Variants in TARBP1 observed in about 807,000 individuals in gnomAD.
TARBP1 encodes tRNA (guanosine(18)-2'-O)-methyltransferase TARBP1.
In TARBP1, 144 loss-of-function variants were observed where a neutral mutation model predicts 178.6. The ratio of observed to expected loss-of-function variants is 0.81; its 90% CI spans 0.70 to 0.93. The LOEUF (loss-of-function observed/expected upper bound fraction) is 0.93, where lower values mean the gene tolerates loss of function less well. TARBP1 is among the 40% of genes least tolerant of loss of function. The pLI, the probability that TARBP1 is intolerant of heterozygous loss-of-function variation, is 0.00. For missense variants in TARBP1, 2,067 were observed against 2,011.7 expected (o/e 1.03, Z -0.53); for synonymous variants, 787 against 781.0 (o/e 1.01, Z -0.13).
At chr1:234,412,051 T>C (rs1661880306) in intron 22 of TARBP1, among the ~76,000 whole-genome samples, 1 of 152,212 alleles carries the variant, frequency 6.6e-6, no homozygotes, top group South Asian at 2.1e-4. Context: ...AAATCCTAAC[T>C]GTAAGCAGTA....
intron 12 of TARBP1, among the ~76,000 whole-genome samples, chr1:234,440,902 G>A (rs952316736): frequency 1.9e-4 from 29 of 152,218 alleles, no homozygotes; most frequent in African/African-American, 6.8e-4. Flanking sequence ...TGCAGAGACA[G>A]GCCAGGCGTG....
intron 22 of TARBP1, among the ~76,000 whole-genome samples, chr1:234,414,219 T>G (rs902961164): frequency 1.3e-5 from 2 of 152,158 alleles, no homozygotes; most frequent in Admixed American, 1.3e-4. Flanking sequence ...TGAAAATGCA[T>G]GGACATGGCT....
At chr1:234,393,077 T>C (rs1378610384) in intron 28 of TARBP1, among the ~76,000 whole-genome samples, 1 of 152,146 alleles carries the variant, frequency 6.6e-6, no homozygotes, top group Non-Finnish European at 1.5e-5. Context: ...TAACAGGATA[T>C]GTTTTACTGA....
At chr1:234,451,485 C>T (rs1666748674) in intron 9 of TARBP1, among the ~76,000 whole-genome samples, 1 of 102,172 alleles carries the variant, frequency 9.8e-6, no homozygotes. Flanking sequence ...CGGTGGCTCA[C>T]GCCTGTAATC....
rs192193090 is a variant in TARBP1 at position 234,425,540 on chromosome 1, A to T, written c.3444+133T>A. On this transcript the variant is annotated intron_variant, in intron 20 of 29. Transcript: ENST00000040877. The stretch of plus-strand genomic sequence containing the variant: ...ACCAGCCCTAATCAAGACTGAATTA[A>T]AAATACAGAACATAAACTTTGTGTT... 1.5e-5 allele frequency: 15 copies of T among 1,014,134 alleles called. No homozygotes were observed. In the East Asian group the frequency reaches 2.1e-4, roughly 14 times the overall value. The allele number at this position is 1,014,134 out of a possible 1,614,324, so 62.8% of individuals were successfully genotyped here. A position where few individuals can be genotyped will look rare whatever the true frequency, so the allele number is the denominator to read the frequency against.
intron 23 of TARBP1, among the ~76,000 whole-genome samples, chr1:234,408,863 T>C (rs1241883859): frequency 1.3e-5 from 2 of 152,176 alleles, no homozygotes; most frequent in Admixed American, 6.5e-5. Context: ...TCTTCCTCTA[T>C]TGCAATTCCT....
intron 12 of TARBP1, among the ~76,000 whole-genome samples, chr1:234,441,918 C>T (rs1032392316): frequency 2.6e-5 from 4 of 152,144 alleles, no homozygotes; most frequent in Admixed American, 1.3e-4. Context: ...GTATAAACCA[C>T]ATATTATCCA....
At chr1:234,477,426 A>T (rs1669666875) in intron 1 of TARBP1, among the ~76,000 whole-genome samples, 1 of 152,234 alleles carries the variant, frequency 6.6e-6, no homozygotes, top group South Asian at 2.1e-4. Flanking sequence ...CCGTTGAAAA[A>T]GTAGAAATAT....
intron 12 of TARBP1, among the ~76,000 whole-genome samples, chr1:234,440,776 C>A (rs1267574921): frequency 6.6e-6 from 1 of 152,172 alleles, no homozygotes; most frequent in East Asian, 1.9e-4. Context: ...TTAAAACTAT[C>A]ATTTACAACA....
intron 12 of TARBP1, among the ~76,000 whole-genome samples, chr1:234,444,196 G>A (rs1365795634): frequency 6.6e-6 from 1 of 150,690 alleles, no homozygotes; most frequent in Non-Finnish European, 1.5e-5. Flanking sequence ...ATAGACAAGA[G>A]ATTACTCCCA....
intron 22 of TARBP1, among the ~76,000 whole-genome samples, chr1:234,411,259 T>C (rs543555860): frequency 2.6e-5 from 4 of 152,346 alleles, no homozygotes; most frequent in Admixed American, 2.6e-4. Flanking sequence ...CTAGACATTA[T>C]AAGTAATCTA....
intron 17 of TARBP1, among the ~76,000 whole-genome samples, chr1:234,428,704 CCTGG>C (rs1664054260): frequency 6.6e-6 from 1 of 152,182 alleles, no homozygotes; most frequent in Non-Finnish European, 1.5e-5. Context: ...CGCCACCACA[CCTGG>C]CTAATTTTTG....
intron 10 of TARBP1, among the ~76,000 whole-genome samples, chr1:234,449,180 A>C (rs1334814): frequency 0.31 from 46,814 of 152,102 alleles, 7,447 homozygotes; most frequent in Admixed American, 0.41. Context: ...GAAGTGGCAT[A>C]AACAGGCAGG....
intron 13 of TARBP1, among the ~76,000 whole-genome samples, chr1:234,435,817 C>T (rs1051982454): frequency 1.3e-5 from 2 of 152,106 alleles, no homozygotes; most frequent in African/African-American, 4.8e-5. Context: ...TCGCAAAGAC[C>T]GAAGATCATA....
chr1:234,406,925 T>C (rs1471916583), intron 23 of TARBP1: 4 of 152,254 alleles, frequency 2.6e-5, no homozygotes, highest in Non-Finnish European at 5.9e-5. Context: ...GCCCAGTTTC[T>C]ACTGACCAAT....
At chr1:234,445,153 C>T (rs958203599) in intron 12 of TARBP1, among the ~76,000 whole-genome samples, 1 of 152,148 alleles carries the variant, frequency 6.6e-6, no homozygotes, top group African/African-American at 2.4e-5. Context: ...CATCAACAGC[C>T]TCTGGTGTGG....
chr1:234,436,890 T>C (rs1017177730), intron 13 of TARBP1, among the ~76,000 whole-genome samples: 2 of 152,216 alleles, frequency 1.3e-5, no homozygotes, highest in African/African-American at 4.8e-5. Flanking sequence ...TAAGAATCAC[T>C]GATGGAGCTT....
chr1:234,421,080 G>A (rs1259274554), intron 20 of TARBP1, among the ~76,000 whole-genome samples: 1 of 151,970 alleles, frequency 6.6e-6, no homozygotes. Flanking sequence ...TAACTTACAT[G>A]TTTTTTGTTT....
intron 12 of TARBP1, among the ~76,000 whole-genome samples, chr1:234,441,470 T>G (rs2103180852): frequency 6.6e-6 from 1 of 152,272 alleles, no homozygotes; most frequent in South Asian, 2.1e-4. Flanking sequence ...GAATAAACAC[T>G]TAGATCAAAA....
Sources: allele counts gnomAD v4.1 joint callset (sites outside exome capture counted in the v4.1 genomes callset), GRCh38; gene constraint gnomAD v4.1.1; transcripts MANE v1.5; gene names NCBI Gene and HGNC (gene_info 2026-07-23, HGNC 2026-07-21).